The following NRG1 variants were observed in gnomAD, a reference collection of about 807,000 sequenced individuals.
NRG1 encodes the protein pro-neuregulin-1, membrane-bound isoform.
In NRG1, 18 loss-of-function variants were observed where a neutral mutation model predicts 63.8. The observed-to-expected ratio is 0.28, with a 90% CI of 0.19 to 0.42. The LOEUF (loss-of-function observed/expected upper bound fraction) is 0.42, where lower values mean the gene tolerates loss of function less well. Among genes scored for constraint, NRG1 ranks in the 10% least tolerant of loss-of-function variants. NRG1 has a pLI of 1.00. For missense variants in NRG1, 762 were observed against 814.7 expected (o/e 0.94, Z 0.79); for synonymous variants, 302 against 301.3 (o/e 1.00, Z -0.02).
At chr8:32,100,100 C>T (rs1009612061) in intron 1 of NRG1, among the ~76,000 whole-genome samples, 6 of 151,888 alleles carry the variant, frequency 4.0e-5, no homozygotes, top group African/African-American at 1.5e-4. Flanking sequence ...TTATTCCTCC[C>T]CTCTTCCCCT....
At chr8:31,875,523 G>A (rs778510264) in intron 1 of NRG1, among the ~76,000 whole-genome samples, 2 of 152,060 alleles carry the variant, frequency 1.3e-5, no homozygotes, top group Non-Finnish European at 2.9e-5. Flanking sequence ...CCTAAACATG[G>A]CAAAAAACAG....
chr8:32,372,283 C>T (rs957180793), intron 1 of NRG1, among the ~76,000 whole-genome samples: 3 of 151,986 alleles, frequency 2.0e-5, no homozygotes, highest in African/African-American at 7.3e-5. Flanking sequence ...ACCCAGTGTG[C>T]CCAGCGCTGT....
chr8:31,766,123 T>C lies in NRG1; in HGVS notation c.37+126692T>C, dbSNP rs1054619292. On this transcript the variant is annotated intron_variant, in intron 1 of 10. Transcript: ENST00000519301. ...CATTCAGGAACAGGCAAGAGACAAG[T>C]GTACATCTAGTTCCACCAAGAAAAC... 5.3e-5 allele frequency among the ~76,000 whole-genome samples: 8 copies of C among 152,062 alleles called. No individual in the cohort carries two copies. In the East Asian group the frequency reaches 9.7e-4, roughly 18 times the overall value.
At chr8:31,803,914 G>A (rs780179564) in intron 1 of NRG1, among the ~76,000 whole-genome samples, 1 of 152,104 alleles carries the variant, frequency 6.6e-6, no homozygotes, top group Non-Finnish European at 1.5e-5. Flanking sequence ...TTTGCAGTTA[G>A]CTCTGTTTGG....
At chr8:32,464,665 T>C (rs1440547741) in intron 1 of NRG1, among the ~76,000 whole-genome samples, 1 of 152,152 alleles carries the variant, frequency 6.6e-6, no homozygotes, top group African/African-American at 2.4e-5. Flanking sequence ...TCCCAGACCG[T>C]GGTTTTTTTT....
intron 1 of NRG1, among the ~76,000 whole-genome samples, chr8:31,705,153 C>T (rs1411469885): frequency 6.6e-6 from 1 of 152,050 alleles, no homozygotes; most frequent in African/African-American, 2.4e-5. Flanking sequence ...TCTCCTGCCT[C>T]AGCCTTCCGA....
At chr8:32,381,631 A>G (rs187153853) in intron 1 of NRG1, among the ~76,000 whole-genome samples, 8 of 152,344 alleles carry the variant, frequency 5.3e-5, no homozygotes, top group African/African-American at 1.9e-4. Flanking sequence ...AATTATATTT[A>G]AGCCTACTAA....
intron 1 of NRG1, among the ~76,000 whole-genome samples, chr8:32,571,021 A>C (rs1025682672): frequency 9.9e-5 from 15 of 152,230 alleles, no homozygotes; most frequent in African/African-American, 2.7e-4. Flanking sequence ...ACATGTATAT[A>C]GATGTCCACA....
chr8:32,485,401 G>A (rs73577988), intron 1 of NRG1, among the ~76,000 whole-genome samples: 4,210 of 140,312 alleles, frequency 0.03, 63 homozygotes, highest in Middle Eastern at 0.068. Context: ...CCACACACCC[G>A]GTCTGCTCTC....
chr8:32,039,221 C>A (rs1297262909), intron 1 of NRG1, among the ~76,000 whole-genome samples: 2 of 152,178 alleles, frequency 1.3e-5, no homozygotes, highest in Non-Finnish European at 2.9e-5. Flanking sequence ...AGATACTGTA[C>A]ATAAAACAAA....
chr8:32,388,815 GT>G (rs201781149), intron 1 of NRG1, among the ~76,000 whole-genome samples: 5 of 152,114 alleles, frequency 3.3e-5, no homozygotes, highest in East Asian at 1.9e-4. Flanking sequence ...AAATGATAAA[GT>G]TTTTTTTGGG....
intron 1 of NRG1, among the ~76,000 whole-genome samples, chr8:31,713,614 A>G (rs1374017037): frequency 6.6e-6 from 1 of 152,066 alleles, no homozygotes; most frequent in African/African-American, 2.4e-5. Flanking sequence ...TGCCCTATTG[A>G]CAGGATAGTT....
intron 1 of NRG1, among the ~76,000 whole-genome samples, chr8:32,180,206 C>T (rs914895933): frequency 3.9e-5 from 6 of 152,144 alleles, no homozygotes. Flanking sequence ...AAACAATCTT[C>T]GTTTCTCTTA....
At chr8:32,678,362 G>T (rs538688398) in intron 5 of NRG1, among the ~76,000 whole-genome samples, 1 of 152,076 alleles carries the variant, frequency 6.6e-6, no homozygotes, top group African/African-American at 2.4e-5. Context: ...AAATAATAAT[G>T]TAAATGTCAT....
intron 1 of NRG1, among the ~76,000 whole-genome samples, chr8:32,364,562 T>C (rs1035896695): frequency 2.6e-5 from 4 of 152,202 alleles, no homozygotes; most frequent in Non-Finnish European, 5.9e-5. Flanking sequence ...CTGTAATTTA[T>C]GATATTGTAT....
chr8:32,741,558 A>G (rs923404485), intron 6 of NRG1, among the ~76,000 whole-genome samples: 2 of 152,202 alleles, frequency 1.3e-5, no homozygotes, highest in Non-Finnish European at 2.9e-5. Flanking sequence ...TAAAACACCC[A>G]TGAAATAAAT....
At chr8:32,734,828 C>G (rs1824588994) in intron 6 of NRG1, among the ~76,000 whole-genome samples, 1 of 152,270 alleles carries the variant, frequency 6.6e-6, no homozygotes, top group Middle Eastern at 3.4e-3. Flanking sequence ...AGCTTCATTC[C>G]TCACTTATAA....
At chr8:32,483,900 C>T (rs201401289) in intron 1 of NRG1, among the ~76,000 whole-genome samples, 4 of 152,046 alleles carry the variant, frequency 2.6e-5, no homozygotes, top group African/African-American at 4.8e-5. Flanking sequence ...CTCAGGAGAT[C>T]GAGACCATCC....
intron 1 of NRG1, among the ~76,000 whole-genome samples, chr8:31,641,587 C>T (rs945701611): frequency 7.2e-5 from 11 of 152,080 alleles, no homozygotes; most frequent in African/African-American, 4.8e-5. Flanking sequence ...TATCTCATTT[C>T]GTTGCTGAGG....
Sources: gnomAD v4.1 joint callset for allele counts (sites outside exome capture counted in the v4.1 genomes callset) on GRCh38, gnomAD v4.1.1 for gene constraint, MANE v1.5 for transcripts, NCBI Gene and HGNC (gene_info 2026-07-23, HGNC 2026-07-21) for gene names.